Variants in LTBP2 observed in about 807,000 individuals in gnomAD.
LTBP2 encodes the protein latent transforming growth factor beta binding protein 2, also known as latent-transforming growth factor beta-binding protein 2.
Under a neutral mutation model 210.6 loss-of-function variants are expected in LTBP2, and 103 were observed. The ratio of observed to expected loss-of-function variants is 0.49; its 90% CI spans 0.42 to 0.58. The LOEUF is 0.58. Among genes scored for constraint, LTBP2 ranks in the 20% least tolerant of loss-of-function variants. The pLI, the probability that LTBP2 is intolerant of heterozygous loss-of-function variation, is 0.00. For synonymous variants in LTBP2, 1,007 were observed against 1,015.0 expected, an observed-to-expected ratio of 0.99 and a Z score of 0.15; for missense variants, 2,313 against 2,494.5, an observed-to-expected ratio of 0.93 and a Z score of 1.55.
At chr14:74,603,545 AC>A in intron 2 of LTBP2, 89 bp downstream of exon 2, 1 of 1,305,712 alleles carries the variant, frequency 7.7e-7, no homozygotes, top group Non-Finnish European at 1.1e-6. Flanking sequence ...GTTCTGGAGT[AC>A]CTAAGCTTGA....
chr14:74,570,634 T>TG (rs1346556926), intron 3 of LTBP2, among the ~76,000 whole-genome samples: 1 of 151,886 alleles, frequency 6.6e-6, no homozygotes, highest in Non-Finnish European at 1.5e-5. Flanking sequence ...GCATTTTATT[T>TG]TTTTATTTAC....
At chr14:74,592,545 A>C (rs537090999) in intron 2 of LTBP2, among the ~76,000 whole-genome samples, 1 of 151,750 alleles carries the variant, frequency 6.6e-6, no homozygotes, top group African/African-American at 2.4e-5. Context: ...AAAAACTTTA[A>C]AAATTAGCTG....
chr14:74,587,027 A>G (rs906513627), intron 2 of LTBP2, among the ~76,000 whole-genome samples: 2 of 151,882 alleles, frequency 1.3e-5, no homozygotes, highest in Non-Finnish European at 2.9e-5. Context: ...CCCCAGGCTG[A>G]CTCCTCTCTT....
chr14:74,566,374 A>C (rs2139766979), intron 3 of LTBP2, among the ~76,000 whole-genome samples: 1 of 152,336 alleles, frequency 6.6e-6, no homozygotes, highest in East Asian at 1.9e-4. Context: ...CAAGAGAGGA[A>C]GGCGTTCCCA....
At chr14:74,507,896 A>G in intron 25 of LTBP2, 77 bp downstream of exon 25, 3 of 1,597,106 alleles carry the variant, frequency 1.9e-6, no homozygotes, top group Admixed American at 1.7e-5. Context: ...GCTCTGCTCC[A>G]TGGGAGCTAA....
chr14:74,552,808 G>C lies in LTBP2; in HGVS notation c.1192+84C>G, dbSNP rs967674814. 2.0e-6 allele frequency: 3 copies of C among 1,507,618 alleles called. No individual in the cohort carries two copies. In the African/African-American group the frequency reaches 4.1e-5, roughly 21 times the overall value. 93.4% of individuals were successfully genotyped at this position (1,507,618 alleles called of 1,614,324 possible). On this transcript the variant is annotated intron_variant, in intron 5 of 35. Transcript: ENST00000261978. ...TGGAGCCACAGTTTGGGAGCAGCGGGCTCCAGTCCAAGGCAGGCCTGGCTC... is the reference window on the plus strand; with the variant it reads ...TGGAGCCACAGTTTGGGAGCAGCGGCCTCCAGTCCAAGGCAGGCCTGGCTC...
intron 2 of LTBP2, among the ~76,000 whole-genome samples, chr14:74,596,322 C>T (rs775516124): frequency 7.0e-4 from 107 of 152,188 alleles, no homozygotes; most frequent in Non-Finnish European, 1.3e-3. Flanking sequence ...AGGAGACAGT[C>T]GAGGGCCCAA....
At chr14:74,584,660 G>C (rs2088179325) in intron 3 of LTBP2, among the ~76,000 whole-genome samples, 1 of 152,166 alleles carries the variant, frequency 6.6e-6, no homozygotes, top group Non-Finnish European at 1.5e-5. Context: ...TGCAGGGTTT[G>C]GCTCTTTTGC....
rs1200521049 is a variant in LTBP2 at position 74,505,130 on chromosome 14, G to T, written c.4222C>A (p.Pro1408Thr). Residue 1408 changes from proline (P) to threonine (T), a missense_variant, in exon 29 of 36, where the codon CCC becomes ACC. By Grantham distance (38) the Pro-to-Thr change is conservative (BLOSUM62 -1). Transcript: ENST00000261978. The part of the protein sequence containing the change: ...EAPTGDHAPA[P>T]TRMDCYSGQK... ...CCGGAGTAGCAGTCCATGCGGGTGG[G>T]GGCCGGGGCATGGTCCCCCGTTGGG... The T allele has an allele frequency of 6.2e-7, 1 of 1,613,784 alleles. No individual in the cohort carries two copies. The highest frequency in any genetic ancestry group is 1.1e-5 in the South Asian group (1 of 91,088).
Position 74,585,898 on chromosome 14 carries a change from C to G in LTBP2, c.786G>C (p.Pro262=), listed in dbSNP as rs370399148. Residue 262 remains proline (P), a synonymous_variant, in exon 3 of 36, where the codon CCG becomes CCC. Coordinates refer to ENST00000261978, the MANE Select transcript of LTBP2 (RefSeq NM_000428.3). ...GTGCGGGCGGCGACTGTGGTGCTGG[C>G]GGCTGTGCTCTGGCCAAGGTGCCCT... ...AGEGTLARAQ[P]PAPQSPPAPQ... is the part of the protein sequence containing the mutation. 51 of 1,613,822 alleles carry G rather than the reference C, an allele frequency of 3.2e-5. No individual in the cohort carries two copies. Among genetic ancestry groups the G allele is most frequent in the Non-Finnish European group, 4.2e-5 (50 of 1,179,942 alleles).
intron 3 of LTBP2, among the ~76,000 whole-genome samples, chr14:74,573,212 G>A (rs61980908): frequency 6.6e-6 from 1 of 152,322 alleles, no homozygotes; most frequent in East Asian, 1.9e-4. Flanking sequence ...ATAATCACAA[G>A]TTCTGAAGTC....
chr14:74,588,745 G>A lies in LTBP2; in HGVS notation c.566-2627C>T, dbSNP rs540082899. The stretch of plus-strand genomic sequence containing the variant: ...ATACACGCTCTCACTGAAGCCTCTC[G>A]ACAATTCTATGCAGCAGGTGTGACT... On this transcript the variant is annotated intron_variant, in intron 2 of 35. Transcript: ENST00000261978. 4.5e-4 allele frequency among the ~76,000 whole-genome samples: 68 copies of A among 152,228 alleles called. 1 individual carries two copies. The highest frequency in any genetic ancestry group is 2.1e-3 in the South Asian group (10 of 4,824).
chr14:74,552,687 G>T (rs1460378224), intron 5 of LTBP2, among the ~76,000 whole-genome samples: 11 of 152,196 alleles, frequency 7.2e-5, no homozygotes, highest in Admixed American at 7.2e-4. Flanking sequence ...TCTCTGTTGA[G>T]GAAACTTGGA....
intron 8 of LTBP2, among the ~76,000 whole-genome samples, chr14:74,543,631 G>T (rs1402673686): frequency 6.6e-6 from 1 of 151,738 alleles, no homozygotes; most frequent in African/African-American, 2.4e-5. Context: ...GGGTGAATTT[G>T]GGCAGGTTAC....
intron 25 of LTBP2, among the ~76,000 whole-genome samples, chr14:74,507,522 T>A (rs552766327): frequency 6.6e-5 from 10 of 152,334 alleles, no homozygotes; most frequent in Admixed American, 1.3e-4. Context: ...TAGGAAGCAG[T>A]GAGCTCCTGC....
rs975493482 is a variant in LTBP2 at position 74,585,724 on chromosome 14, G to A, written c.830+130C>T. ...TGGCCATGCCAGGGAAAGCCAAGGA[G>A]GGTGGGGAGGAGAGAAGGGAGGACT... On this transcript the variant is annotated intron_variant, in intron 3 of 35. Transcript: ENST00000261978. The A allele has an allele frequency of 3.5e-6, 5 of 1,426,022 alleles. No homozygotes were observed. In the African/African-American group the frequency reaches 4.2e-5, roughly 12 times the overall value. The allele number at this position is 1,426,022 out of a possible 1,614,324, so 88.3% of individuals were successfully genotyped here.
At chr14:74,510,976 G>C (rs1802620585) in intron 19 of LTBP2, among the ~76,000 whole-genome samples, 1 of 152,180 alleles carries the variant, frequency 6.6e-6, no homozygotes, top group African/African-American at 2.4e-5. Flanking sequence ...TCCACCACAG[G>C]ATCCAGCTAC....
In LTBP2 at chr14:74,586,204, C is replaced by T; in HGVS notation, c.566-86G>A. 7.0e-7 allele frequency: 1 copy of T among 1,437,548 alleles called. No individual in the cohort carries two copies. The highest frequency in any genetic ancestry group is 9.4e-7 in the Non-Finnish European group (1 of 1,059,556). 89.0% of individuals were successfully genotyped at this position (1,437,548 alleles called of 1,614,324 possible). ...CACACCTTCCTGTCAGAAGGGCCCT[C>T]CTGAGTGCTGCAACCCTGTCGCTCA... is the stretch of plus-strand genomic sequence containing the variant. On this transcript the variant is annotated intron_variant, in intron 2 of 35. Coordinates refer to ENST00000261978, the MANE Select transcript of LTBP2 (RefSeq NM_000428.3). The surrounding 1 kb of genome is among the most constrained non-coding windows in gnomAD (Gnocchi z 4.6).
chr14:74,519,454 T>C (rs1430570915), intron 17 of LTBP2, among the ~76,000 whole-genome samples: 3 of 151,724 alleles, frequency 2.0e-5, no homozygotes, highest in Admixed American at 2.0e-4. Flanking sequence ...TTGGTAAACA[T>C]TTACTTAGAT....
Sources: gnomAD v4.1 joint callset for allele counts (sites outside exome capture counted in the v4.1 genomes callset) on GRCh38, gnomAD v4.1.1 for gene constraint, Gnocchi (gnomAD v3.1) non-coding constraint, MANE v1.5 for transcripts, NCBI Gene and HGNC (gene_info 2026-07-23, HGNC 2026-07-21) for gene names.